IL1RAPL2: variants seen among roughly 807,000 people sequenced by gnomAD.
IL1RAPL2 encodes the protein X-linked interleukin-1 receptor accessory protein-like 2.
Under a neutral mutation model 44.1 loss-of-function variants are expected in IL1RAPL2, and 3 were observed. That is an observed-to-expected ratio of 0.07 (90% CI 0.03 to 0.18). IL1RAPL2 has a LOEUF of 0.18. Ranked by LOEUF, IL1RAPL2 falls within the 10% of genes least tolerant of loss-of-function variation. The pLI is 1.00. For synonymous variants in IL1RAPL2, 181 were observed against 178.8 expected, an observed-to-expected ratio of 1.01 and a Z score of -0.10; for missense variants, 391 against 496.4, an observed-to-expected ratio of 0.79 and a Z score of 2.02.
At position 105,536,425 on chromosome X, in the gene IL1RAPL2, TAA is replaced by T. The variant is rs60312385; in HGVS notation, c.772+52052_772+52053del. Among the ~76,000 whole-genome samples the T allele has an allele frequency of 6.2e-3, 574 of 92,071 alleles. 6 individuals carry two copies. The highest frequency in any genetic ancestry group is 0.02 in the African/African-American group (517 of 25,864). The allele number at this position is 92,071 out of a possible 115,157, so 80.0% of individuals were successfully genotyped here. A position where few individuals can be genotyped will look rare whatever the true frequency, so the allele number is the denominator to read the frequency against. On this transcript the variant is annotated intron_variant, in intron 6 of 10. Transcript: ENST00000372582. ...ATTAATGTTAATTGATTTTATATGG[TAA>T]AAAAAAAAAAAAAGGAAAAAACCTA...
intron 2 of IL1RAPL2, among the ~76,000 whole-genome samples, chrX:105,167,318 A>G (rs1030503120): frequency 8.9e-6 from 1 of 112,615 alleles, no homozygotes; most frequent in Admixed American, 9.4e-5. Flanking sequence ...CTAAGGAATG[A>G]TTTCATAACT....
At chrX:105,163,445 T>C (rs752514441) in intron 2 of IL1RAPL2, among the ~76,000 whole-genome samples, 2 of 112,129 alleles carry the variant, frequency 1.8e-5, no homozygotes, top group Non-Finnish European at 1.9e-5. Flanking sequence ...TCTTCTCAAC[T>C]TTCCCCATAA....
intron 6 of IL1RAPL2, among the ~76,000 whole-genome samples, chrX:105,491,184 G>A (rs2036314766): frequency 9.0e-6 from 1 of 110,976 alleles, no homozygotes; most frequent in Non-Finnish European, 1.9e-5. Flanking sequence ...TGTCAAACTA[G>A]AATTATTGTA....
intron 1 of IL1RAPL2, among the ~76,000 whole-genome samples, chrX:104,571,779 G>A (rs752773064): frequency 8.9e-6 from 1 of 111,857 alleles, no homozygotes; most frequent in African/African-American, 3.2e-5. Context: ...ACACAGCACG[G>A]CCAACCATTT....
chrX:105,091,464 G>C (rs2032542130), intron 2 of IL1RAPL2, among the ~76,000 whole-genome samples: 1 of 111,236 alleles, frequency 9.0e-6, no homozygotes, highest in South Asian at 3.8e-4. Flanking sequence ...AACCATCCTG[G>C]TTTTCCCAGG....
At chrX:105,290,017 A>T (rs1219569490) in intron 5 of IL1RAPL2, among the ~76,000 whole-genome samples, 3 of 111,362 alleles carry the variant, frequency 2.7e-5, no homozygotes, top group Non-Finnish European at 5.7e-5. Context: ...GGAGTGAAGG[A>T]CTGTGTTGAA....
At chrX:105,389,099 G>T (rs1569433333) in intron 5 of IL1RAPL2, among the ~76,000 whole-genome samples, 1 of 111,662 alleles carries the variant, frequency 9.0e-6, no homozygotes, top group Non-Finnish European at 1.9e-5. Context: ...TTCATTCCTA[G>T]TATGGATTCC....
At chrX:104,618,554 G>A (rs1340940331) in intron 1 of IL1RAPL2, among the ~76,000 whole-genome samples, 1 of 111,511 alleles carries the variant, frequency 9.0e-6, no homozygotes, top group African/African-American at 3.3e-5. Flanking sequence ...CAGATACCTG[G>A]AGATCTACCT....
At chrX:105,706,433 G>A in intron 6 of IL1RAPL2, among the ~76,000 whole-genome samples, 1 of 111,828 alleles carries the variant, frequency 8.9e-6, no homozygotes, top group African/African-American at 3.2e-5. Context: ...TTTTACCAAG[G>A]AAGGAACAAA....
chrX:105,075,749 C>T (rs34816847), intron 2 of IL1RAPL2, among the ~76,000 whole-genome samples: 1 of 111,855 alleles, frequency 8.9e-6, no homozygotes, highest in Non-Finnish European at 1.9e-5. Flanking sequence ...AGAGATTCAA[C>T]TTCATCCTGG....
At chrX:105,276,144 G>A in intron 5 of IL1RAPL2, among the ~76,000 whole-genome samples, 1 of 112,663 alleles carries the variant, frequency 8.9e-6, no homozygotes, top group Middle Eastern at 4.6e-3. Flanking sequence ...GGTGGCTCAC[G>A]CCTGTAATCC....
chrX:105,489,680 CTTTT>C (rs1569447115), intron 6 of IL1RAPL2, among the ~76,000 whole-genome samples: 1 of 108,643 alleles, frequency 9.2e-6, no homozygotes, highest in African/African-American at 3.4e-5. Context: ...CTTTCTCTTT[CTTTT>C]TCTTTCTTTC....
chrX:104,673,509 T>C (rs930165999), intron 2 of IL1RAPL2, among the ~76,000 whole-genome samples: 30 of 111,270 alleles, frequency 2.7e-4, no homozygotes, highest in Non-Finnish European at 5.1e-4. Context: ...AGCCTTGTAG[T>C]ATAGTTTGAA....
chrX:104,793,839 C>G lies in IL1RAPL2; in HGVS notation c.82+134844C>G, dbSNP rs183931885. 3.6e-5 allele frequency among the ~76,000 whole-genome samples: 4 copies of G among 111,489 alleles called. No individual in the cohort carries two copies. The East Asian group carries it at 1.1e-3, about 32-fold the overall frequency. On this transcript the variant is annotated intron_variant, in intron 2 of 10. Transcript: ENST00000372582. ...TGAGCACCTTACTGGTTAATGGTACCACCGTAACTCTGAGGTAAATCTACT... is the reference window on the plus strand; with the variant it reads ...TGAGCACCTTACTGGTTAATGGTACGACCGTAACTCTGAGGTAAATCTACT...
At chrX:105,169,918 A>G (rs760599768) in intron 2 of IL1RAPL2, among the ~76,000 whole-genome samples, 9 of 100,647 alleles carry the variant, frequency 8.9e-5, no homozygotes, top group Non-Finnish European at 1.5e-4. Context: ...TTCCTCCTAT[A>G]AATTGAGTTG....
intron 6 of IL1RAPL2, among the ~76,000 whole-genome samples, chrX:105,706,492 T>A (rs1402535564): frequency 9.0e-6 from 1 of 111,456 alleles, no homozygotes; most frequent in African/African-American, 3.3e-5. Flanking sequence ...CTAGCAAGGC[T>A]GAGTGACTAG....
At chrX:105,604,774 C>A (rs1279208074) in intron 6 of IL1RAPL2, among the ~76,000 whole-genome samples, 1 of 111,008 alleles carries the variant, frequency 9.0e-6, no homozygotes, top group African/African-American at 3.3e-5. Context: ...CACACCAAAT[C>A]CAATAGCACA....
intron 5 of IL1RAPL2, among the ~76,000 whole-genome samples, chrX:105,482,056 C>T (rs1422920972): frequency 8.9e-6 from 1 of 111,981 alleles, no homozygotes; most frequent in Admixed American, 9.5e-5. Context: ...CTATTTGGGA[C>T]CTTGTTTTTT....
At chrX:105,264,712 C>T (rs943639116) in intron 4 of IL1RAPL2, among the ~76,000 whole-genome samples, 2 of 112,084 alleles carry the variant, frequency 1.8e-5, no homozygotes, top group African/African-American at 6.5e-5. Context: ...ATTCTGGCTG[C>T]TCACATGGTA....
Sources: allele counts gnomAD v4.1 joint callset (sites outside exome capture counted in the v4.1 genomes callset), GRCh38; gene constraint gnomAD v4.1.1; transcripts MANE v1.5; gene names NCBI Gene and HGNC (gene_info 2026-07-23, HGNC 2026-07-21).